ATP1B3: variants seen among roughly 807,000 people sequenced by gnomAD.
ATP1B3 encodes ATPase Na+/K+ transporting subunit beta 3, also known as sodium/potassium-transporting ATPase subunit beta-3.
ATP1B3 carries 10 observed loss-of-function variants against 30.2 expected under a neutral mutation model. The observed-to-expected ratio is 0.33, with a 90% CI of 0.20 to 0.56. The LOEUF is 0.56. ATP1B3 is among the 20% of genes least tolerant of loss of function. The probability of loss-of-function intolerance (pLI) is 0.90; values close to 1 mark genes in which losing one functional copy is unlikely to be tolerated. For synonymous variants in ATP1B3, 113 were observed against 117.0 expected (o/e 0.97, Z 0.22); for missense variants, 238 against 336.7 (o/e 0.71, Z 2.29).
intron 1 of ATP1B3, among the ~76,000 whole-genome samples, chr3:141,893,309 C>G (rs1933994246): frequency 6.6e-6 from 1 of 152,072 alleles, no homozygotes; most frequent in Non-Finnish European, 1.5e-5. Context: ...ACACCCAGCT[C>G]TCTTTATTCT....
chr3:141,890,802 A>T (rs1259288612), intron 1 of ATP1B3, among the ~76,000 whole-genome samples: 1 of 152,004 alleles, frequency 6.6e-6, no homozygotes, highest in Non-Finnish European at 1.5e-5. Context: ...CAAACTCCTG[A>T]GCTGAAGCGA....
At chr3:141,915,752 T>C (rs1934450874) in intron 4 of ATP1B3, among the ~76,000 whole-genome samples, 1 of 152,242 alleles carries the variant, frequency 6.6e-6, no homozygotes, top group Non-Finnish European at 1.5e-5. Flanking sequence ...ATTTATTTTC[T>C]AAATTGCCCC....
At chr3:141,877,908 G>A (rs1485599125) in intron 1 of ATP1B3, among the ~76,000 whole-genome samples, 1 of 151,072 alleles carries the variant, frequency 6.6e-6, no homozygotes, top group Non-Finnish European at 1.5e-5. Context: ...TTTGTTAGTG[G>A]GTCTTGAAAG....
intron 6 of ATP1B3, among the ~76,000 whole-genome samples, chr3:141,924,211 G>T (rs1251667313): frequency 6.6e-6 from 1 of 151,906 alleles, no homozygotes; most frequent in East Asian, 1.9e-4. Context: ...GACCGTGGTG[G>T]CACACTCCTG....
At chr3:141,917,749 TTTTC>T (rs1934492154) in intron 5 of ATP1B3, among the ~76,000 whole-genome samples, 1 of 151,634 alleles carries the variant, frequency 6.6e-6, no homozygotes, top group Admixed American at 6.6e-5. Context: ...TAAGCTGAGC[TTTTC>T]TTTCTTTATT....
At chr3:141,894,852 A>T (rs1934031824) in intron 1 of ATP1B3, among the ~76,000 whole-genome samples, 4 of 152,218 alleles carry the variant, frequency 2.6e-5, no homozygotes, top group Admixed American at 2.6e-4. Flanking sequence ...TAGTAAATAT[A>T]TAAACCCATA....
intron 3 of ATP1B3, among the ~76,000 whole-genome samples, chr3:141,912,665 T>G (rs1031131680): frequency 1.3e-5 from 2 of 152,184 alleles, no homozygotes; most frequent in Non-Finnish European, 2.9e-5. Flanking sequence ...TAATTATTTA[T>G]TAGTAAGCAT....
chr3:141,911,357 A>G (rs531766009), intron 3 of ATP1B3, among the ~76,000 whole-genome samples: 2 of 152,234 alleles, frequency 1.3e-5, no homozygotes, highest in African/African-American at 4.8e-5. Context: ...TTTGAAAGAT[A>G]CTATAATATA....
At chr3:141,903,774 GT>G in intron 2 of ATP1B3, 26 bp downstream of exon 2, 2 of 1,592,962 alleles carry the variant, frequency 1.3e-6, no homozygotes, top group Non-Finnish European at 1.7e-6. Flanking sequence ...TTATGACTTT[GT>G]TTTTTGTTTT....
At chr3:141,923,759 G>A (rs79590418) in intron 6 of ATP1B3, among the ~76,000 whole-genome samples, 565 of 152,300 alleles carry the variant, frequency 3.7e-3, no homozygotes, top group African/African-American at 0.012. Context: ...TCCTCAGTCT[G>A]TTTCATGGCT....
At chr3:141,925,093 A>G (rs984762494) in intron 6 of ATP1B3, among the ~76,000 whole-genome samples, 1 of 152,228 alleles carries the variant, frequency 6.6e-6, no homozygotes, top group Non-Finnish European at 1.5e-5. Context: ...CATTTTTATC[A>G]GTAATTACAG....
At chr3:141,896,061 T>C (rs910052196) in intron 1 of ATP1B3, among the ~76,000 whole-genome samples, 1 of 152,178 alleles carries the variant, frequency 6.6e-6, no homozygotes, top group African/African-American at 2.4e-5. Flanking sequence ...CTTCAAAAAA[T>C]GTGTCTTGGA....
At chr3:141,892,831 A>G (rs1933982858) in intron 1 of ATP1B3, among the ~76,000 whole-genome samples, 1 of 152,070 alleles carries the variant, frequency 6.6e-6, no homozygotes, top group African/African-American at 2.4e-5. Context: ...TCTTTAATGG[A>G]GCGGTAGCTT....
At chr3:141,881,054 T>G (rs1933713847) in intron 1 of ATP1B3, among the ~76,000 whole-genome samples, 1 of 152,006 alleles carries the variant, frequency 6.6e-6, no homozygotes, top group South Asian at 2.1e-4. Flanking sequence ...AGTACAAAAA[T>G]TAGCCCGGCA....
chr3:141,889,745 A>AGT lies in ATP1B3; in HGVS notation c.109+12835_109+12836insGT, dbSNP rs1450255903. Among the ~76,000 whole-genome samples the AGT allele has an allele frequency of 1.4e-3, 143 of 103,362 alleles. 4 individuals are homozygous for AGT. The highest frequency in any genetic ancestry group is 2.1e-3 in the Admixed American group (20 of 9,732). 67.8% of individuals were successfully genotyped at this position (103,362 alleles called of 152,430 possible). ...CTCCGTCTCAAAAAAAAAAAAAAAA[A>AGT]AAAAAATATATACACACACACACAC... On this transcript the variant is annotated intron_variant, in intron 1 of 6. Coordinates refer to ENST00000286371, the MANE Select transcript of ATP1B3 (RefSeq NM_001679.4).
chr3:141,884,364 A>G (rs572267138), intron 1 of ATP1B3, among the ~76,000 whole-genome samples: 69 of 152,254 alleles, frequency 4.5e-4, no homozygotes, highest in Admixed American at 1.2e-3. Context: ...GTGGCCTTTT[A>G]CATACTCATA....
Position 141,876,836 on chromosome 3 carries a change from G to C in ATP1B3, c.35G>C (p.Ser12Thr). 6.3e-7 allele frequency: 1 copy of C among 1,587,256 alleles called. No homozygotes were observed. Among genetic ancestry groups the C allele is most frequent in the Non-Finnish European group, 8.6e-7 (1 of 1,166,414 alleles). ...AACGAGAAGAAGTCCCTCAACCAGA[G>C]CCTGGCCGAGTGGAAGCTCTTCATC... is the stretch of plus-strand genomic sequence containing the variant. The part of the protein sequence containing the change: ...TKNEKKSLNQ[S>T]LAEWKLFIYN... The change falls in exon 1 of 7, where the codon AGC (serine) becomes ACC (threonine). Residue 12 changes from serine (S) to threonine (T), a missense_variant. Ser to Thr is a moderately conservative substitution (Grantham distance 58). This residue lies in a region of ATP1B3 where 130 missense variants were observed against 148.8 expected (regional missense o/e 0.87). Transcript: ENST00000286371.
intron 5 of ATP1B3, among the ~76,000 whole-genome samples, chr3:141,917,026 T>C (rs1934477155): frequency 6.6e-6 from 1 of 151,014 alleles, no homozygotes; most frequent in East Asian, 2.0e-4. Context: ...AATTTTTTTT[T>C]TTTTTTTTTG....
chr3:141,905,716 A>G (rs1426750587), intron 2 of ATP1B3, among the ~76,000 whole-genome samples: 1 of 152,106 alleles, frequency 6.6e-6, no homozygotes, highest in East Asian at 1.9e-4. Context: ...ACCTCAGACT[A>G]ATTCTAAGAT....
Sources: gnomAD v4.1 joint callset for allele counts (sites outside exome capture counted in the v4.1 genomes callset) on GRCh38, gnomAD v4.1.1 for gene constraint, gnomAD v4.1.1 regional missense constraint, MANE v1.5 for transcripts, NCBI Gene and HGNC (gene_info 2026-07-23, HGNC 2026-07-21) for gene names.